Variants in MBTD1 observed in about 807,000 individuals in gnomAD.
The protein encoded by MBTD1 is mbt domain containing 1.
Under a neutral mutation model 87.8 loss-of-function variants are expected in MBTD1, and 24 were observed. The observed-to-expected ratio is 0.27, with a 90% CI of 0.20 to 0.38. MBTD1 has a LOEUF of 0.38. Among genes scored for constraint, MBTD1 ranks in the 10% least tolerant of loss-of-function variants. The pLI is 1.00. For synonymous variants in MBTD1, 237 were observed against 248.6 expected, an observed-to-expected ratio of 0.95 and a Z score of 0.44; for missense variants, 436 against 760.2, an observed-to-expected ratio of 0.57 and a Z score of 5.02.
chr17:51,186,471 T>G (rs2050539736), intron 16 of MBTD1: 1 of 152,110 alleles, frequency 6.6e-6, no homozygotes, highest in South Asian at 2.1e-4. Flanking sequence ...TAAAATGAAT[T>G]ACAGAGAGCT....
At chr17:51,219,689 CTG>C (rs2052774679) in intron 4 of MBTD1, among the ~76,000 whole-genome samples, 1 of 152,168 alleles carries the variant, frequency 6.6e-6, no homozygotes. Flanking sequence ...AATGAGAAGA[CTG>C]TGATCATCCA....
intron 2 of MBTD1, among the ~76,000 whole-genome samples, chr17:51,225,979 A>G (rs140610121): frequency 0.019 from 2,815 of 151,072 alleles, 62 homozygotes; most frequent in African/African-American, 0.046. Context: ...GGGTTTTGCC[A>G]TGTTGGCCAG....
At chr17:51,252,103 T>C (rs1197490317) in intron 2 of MBTD1, among the ~76,000 whole-genome samples, 2 of 152,214 alleles carry the variant, frequency 1.3e-5, no homozygotes, top group African/African-American at 4.8e-5. Context: ...ATTTGGTTAT[T>C]ATTATAATAT....
At chr17:51,199,607 A>G (rs1055422743) in intron 12 of MBTD1, among the ~76,000 whole-genome samples, 1 of 149,516 alleles carries the variant, frequency 6.7e-6, no homozygotes, top group South Asian at 2.1e-4. Context: ...ACGCCTGGCT[A>G]ATTTTTGTAT....
At chr17:51,243,952 T>C (rs2054291989) in intron 2 of MBTD1, among the ~76,000 whole-genome samples, 4 of 152,248 alleles carry the variant, frequency 2.6e-5, no homozygotes, top group Admixed American at 2.6e-4. Flanking sequence ...ATATTACATT[T>C]GTCCTCAGGA....
intron 2 of MBTD1, among the ~76,000 whole-genome samples, chr17:51,233,241 C>A (rs1035042442): frequency 1.4e-5 from 2 of 147,406 alleles, no homozygotes; most frequent in African/African-American, 5.3e-5. Context: ...TGAAGCTCAG[C>A]AGTCAACAAG....
At chr17:51,260,900 T>C, upstream of MBTD1, 1 of 1,593,740 alleles carries the variant, frequency 6.3e-7, no homozygotes, top group Non-Finnish European at 8.5e-7. Flanking sequence ...CGAGGACGCG[T>C]TGCTGCGGCG....
intron 2 of MBTD1, among the ~76,000 whole-genome samples, chr17:51,245,201 T>C (rs2054363518): frequency 1.3e-5 from 2 of 152,112 alleles, no homozygotes; most frequent in East Asian, 3.9e-4. Context: ...TGCCCGGCCC[T>C]AGAGGATTTT....
At chr17:51,245,635 A>C (rs1021915837) in intron 2 of MBTD1, among the ~76,000 whole-genome samples, 19 of 151,908 alleles carry the variant, frequency 1.3e-4, no homozygotes, top group Admixed American at 1.2e-3. Context: ...TCTTTATCTC[A>C]GTGATTTAAA....
At chr17:51,194,669 G>A (rs2050992715) in intron 13 of MBTD1, among the ~76,000 whole-genome samples, 1 of 150,246 alleles carries the variant, frequency 6.7e-6, no homozygotes, top group African/African-American at 2.5e-5. Flanking sequence ...ATCAGTTGAG[G>A]CCAGGACTTC....
At chr17:51,208,751 A>G (rs1179244144) in intron 6 of MBTD1, among the ~76,000 whole-genome samples, 1 of 152,232 alleles carries the variant, frequency 6.6e-6, no homozygotes. Flanking sequence ...TAAGTTTGGC[A>G]TACAGTACTC....
At chr17:51,245,540 TTATTA>T in intron 2 of MBTD1, among the ~76,000 whole-genome samples, 1 of 152,204 alleles carries the variant, frequency 6.6e-6, no homozygotes, top group Middle Eastern at 3.4e-3. Flanking sequence ...CTGGACTTTA[TTATTA>T]TGTATAGCAT....
At chr17:51,231,562 C>G (rs1175940639) in intron 2 of MBTD1, among the ~76,000 whole-genome samples, 3 of 152,078 alleles carry the variant, frequency 2.0e-5, no homozygotes, top group African/African-American at 7.2e-5. Context: ...ATACAGTATG[C>G]AGTCTTTTCT....
chr17:51,225,704 G>A (rs1168047421), intron 2 of MBTD1, among the ~76,000 whole-genome samples: 1 of 152,006 alleles, frequency 6.6e-6, no homozygotes, highest in Non-Finnish European at 1.5e-5. Flanking sequence ...TGACAGGCGT[G>A]AGCCAGTGTG....
intron 6 of MBTD1, among the ~76,000 whole-genome samples, chr17:51,213,522 T>C (rs1296550770): frequency 6.6e-6 from 1 of 152,034 alleles, no homozygotes; most frequent in Non-Finnish European, 1.5e-5. Flanking sequence ...GATACTGCTC[T>C]TAGGGGCTTA....
intron 6 of MBTD1, among the ~76,000 whole-genome samples, chr17:51,208,327 C>A (rs548116799): frequency 1.3e-5 from 2 of 152,122 alleles, no homozygotes; most frequent in Non-Finnish European, 2.9e-5. Context: ...CAACTATTTG[C>A]GGTTCTGGAA....
At chr17:51,224,269 A>G (rs1252592910) in intron 3 of MBTD1, among the ~76,000 whole-genome samples, 1 of 152,232 alleles carries the variant, frequency 6.6e-6, no homozygotes, top group African/African-American at 2.4e-5. Context: ...TCACTGGGAT[A>G]CACCATGAGA....
chr17:51,222,026 G>A (rs1186642526), intron 3 of MBTD1, among the ~76,000 whole-genome samples: 1 of 152,172 alleles, frequency 6.6e-6, no homozygotes, highest in Non-Finnish European at 1.5e-5. Context: ...AAAAATTCTA[G>A]AATAGATTGT....
At chr17:51,203,399 C>CA (rs1292440629) in intron 8 of MBTD1, among the ~76,000 whole-genome samples, 171 bp from the exon 9 acceptor site, 1 of 151,950 alleles carries the variant, frequency 6.6e-6, no homozygotes, top group Non-Finnish European at 1.5e-5. Context: ...TGCTTAACAC[C>CA]AAAAAAACTA....
Sources: allele counts gnomAD v4.1 joint callset (sites outside exome capture counted in the v4.1 genomes callset), GRCh38; gene constraint gnomAD v4.1.1; transcripts MANE v1.5; gene names NCBI Gene and HGNC (gene_info 2026-07-23, HGNC 2026-07-21).